Variants in PALS2 observed in about 807,000 individuals in gnomAD.
PALS2 encodes the protein protein PALS2.
PALS2 carries 27 observed loss-of-function variants against 61.6 expected under a neutral mutation model. The observed-to-expected ratio is 0.44, with a 90% CI of 0.32 to 0.60. PALS2 has a LOEUF of 0.60. PALS2 is among the 20% of genes least tolerant of loss of function. PALS2 has a pLI of 0.05. For missense variants in PALS2, 554 were observed against 639.4 expected, an observed-to-expected ratio of 0.87 and a Z score of 1.44; for synonymous variants, 236 against 218.6, an observed-to-expected ratio of 1.08 and a Z score of -0.70.
chr7:24,666,136 G>A, intron 8 of PALS2, 47 bp downstream of exon 8: 2 of 1,492,798 alleles, frequency 1.3e-6, no homozygotes, highest in Non-Finnish European at 1.9e-6. Context: ...GTAGCTATAT[G>A]TCATTTAGTG....
chr7:24,647,383 A>C (rs976920425), intron 3 of PALS2, among the ~76,000 whole-genome samples: 5 of 152,102 alleles, frequency 3.3e-5, no homozygotes, highest in African/African-American at 1.2e-4. Context: ...TCCTGACCTC[A>C]GGTGATCTGC....
chr7:24,660,694 C>A (rs1279541533), intron 5 of PALS2, among the ~76,000 whole-genome samples: 1 of 151,986 alleles, frequency 6.6e-6, no homozygotes, highest in East Asian at 1.9e-4. Context: ...GTGCATAAGT[C>A]ATTTTGGATG....
rs2128040109 is a variant in PALS2 at position 24,582,824 on chromosome 7, A to T, written c.-3+9231A>T. Among the ~76,000 whole-genome samples the T allele has an allele frequency of 2.0e-5, 3 of 150,844 alleles. No homozygotes were observed. The Middle Eastern group carries it at 0.01, about 524-fold the overall frequency. ...AAGAGCTTTGATATAAGAAACTCAG[A>T]TAATTGAGTAAAGAAGTTTAATTTA... On this transcript the variant is annotated intron_variant, in intron 1 of 11. Coordinates refer to ENST00000222644, the MANE Select transcript of PALS2 (RefSeq NM_001303037.2).
chr7:24,605,773 C>T (rs1003294351), intron 1 of PALS2, among the ~76,000 whole-genome samples: 1 of 152,034 alleles, frequency 6.6e-6, no homozygotes, highest in Non-Finnish European at 1.5e-5. Flanking sequence ...TTATGTATAC[C>T]TGTGTAATAA....
intron 2 of PALS2, among the ~76,000 whole-genome samples, chr7:24,628,699 A>G (rs1008485968): frequency 6.6e-6 from 1 of 152,196 alleles, no homozygotes; most frequent in African/African-American, 2.4e-5. Flanking sequence ...ATACAGCAAT[A>G]ATAGACAAAA....
intron 8 of PALS2, 67 bp downstream of exon 8, chr7:24,666,156 C>G (rs1787006427): frequency 7.2e-7 from 1 of 1,382,878 alleles, no homozygotes. Flanking sequence ...GTGGCATAAA[C>G]TCTGAATATA....
chr7:24,643,267 AT>A (rs1438395393), intron 3 of PALS2, among the ~76,000 whole-genome samples: 1 of 152,144 alleles, frequency 6.6e-6, no homozygotes, highest in Non-Finnish European at 1.5e-5. Flanking sequence ...ATTAGTAAAT[AT>A]TTGTAATTTA....
chr7:24,675,097 G>A (rs1562659130), intron 9 of PALS2, among the ~76,000 whole-genome samples: 1 of 152,134 alleles, frequency 6.6e-6, no homozygotes, highest in East Asian at 1.9e-4. Context: ...GTTTTTTGAA[G>A]TGTTAGTAGA....
intron 11 of PALS2, among the ~76,000 whole-genome samples, chr7:24,682,563 C>G (rs1188405633): frequency 1.3e-5 from 2 of 151,884 alleles, no homozygotes; most frequent in Admixed American, 1.3e-4. Flanking sequence ...ATAAGAGTCA[C>G]TTCATTTGTT....
At chr7:24,593,104 T>C (rs573252179) in intron 1 of PALS2, among the ~76,000 whole-genome samples, 1 of 152,270 alleles carries the variant, frequency 6.6e-6, no homozygotes, top group Admixed American at 6.6e-5. Context: ...TATGTAATAT[T>C]CTAAATTCTT....
At chr7:24,594,897 A>C (rs991245695) in intron 1 of PALS2, among the ~76,000 whole-genome samples, 1 of 152,182 alleles carries the variant, frequency 6.6e-6, no homozygotes, top group African/African-American at 2.4e-5. Flanking sequence ...TGTGAAAATT[A>C]CAAAAATGTG....
rs1395862666 is a variant in PALS2 at position 24,687,943 on chromosome 7, C to T, written c.*329C>T. On this transcript the variant is annotated 3_prime_UTR_variant, in exon 12 of 12. Coordinates refer to ENST00000222644, the MANE Select transcript of PALS2 (RefSeq NM_001303037.2). The surrounding 1 kb of genome is among the most constrained non-coding windows in gnomAD (Gnocchi z 4.5). ...ATCAAAGGAATTTTCAAATCATTCA[C>T]TCTAACATTGGTCTCATATTTTCAC... 5.6e-6 allele frequency: 1 copy of T among 178,608 alleles called. No individual in the cohort carries two copies. Among genetic ancestry groups the T allele is most frequent in the African/African-American group, 2.4e-5 (1 of 42,494 alleles). 11.1% of individuals were successfully genotyped at this position (178,608 alleles called of 1,614,324 possible). A position where few individuals can be genotyped will look rare whatever the true frequency, so the allele number is the denominator to read the frequency against.
intron 10 of PALS2, among the ~76,000 whole-genome samples, chr7:24,680,134 T>C (rs1005485565): frequency 6.6e-6 from 1 of 152,216 alleles, no homozygotes; most frequent in Non-Finnish European, 1.5e-5. Context: ...AAAAAAGAGT[T>C]TACATCACTC....
At chr7:24,581,295 G>A (rs1290878661) in intron 1 of PALS2, among the ~76,000 whole-genome samples, 3 of 150,592 alleles carry the variant, frequency 2.0e-5, no homozygotes, top group Admixed American at 2.0e-4. Context: ...GTGTGTCAGA[G>A]AGAAAGGGAA....
At chr7:24,684,423 AC>A (rs1205154830) in intron 11 of PALS2, among the ~76,000 whole-genome samples, 5 of 152,230 alleles carry the variant, frequency 3.3e-5, no homozygotes, top group African/African-American at 1.2e-4. Flanking sequence ...AGCCTATTCA[AC>A]TTGGCTTCTG....
intron 1 of PALS2, among the ~76,000 whole-genome samples, chr7:24,614,163 C>T (rs539675270): frequency 1.3e-5 from 2 of 151,900 alleles, no homozygotes; most frequent in African/African-American, 4.8e-5. Flanking sequence ...AGGAATCTCC[C>T]TACTGTCCTC....
At chr7:24,586,963 TCCCCGCCCG>T (rs1188310424) in intron 1 of PALS2, among the ~76,000 whole-genome samples, 1 of 149,404 alleles carries the variant, frequency 6.7e-6, no homozygotes, top group Admixed American at 6.8e-5. Context: ...GTTTGGAAAT[TCCCCGCCCG>T]CCCTGCCCCC....
At position 24,666,104 on chromosome 7, in the gene PALS2, C is replaced by G. The variant is rs1562652838; in HGVS notation, c.952+15C>G. Reference sequence around the variant, plus strand: ...CAGAAATGCAGGTAGGTTTTAAATACTTTTTGAGAAGTCCAAGTGAAGTAG... The same window carrying G: ...CAGAAATGCAGGTAGGTTTTAAATAGTTTTTGAGAAGTCCAAGTGAAGTAG... On this transcript the variant is annotated intron_variant, in intron 8 of 11. Transcript: ENST00000222644. 1.3e-6 allele frequency: 2 copies of G among 1,595,374 alleles called. No homozygotes were observed. The highest frequency in any genetic ancestry group is 2.2e-5 in the East Asian group (1 of 44,718).
chr7:24,585,750 C>T (rs887436333), intron 1 of PALS2, among the ~76,000 whole-genome samples: 1 of 152,088 alleles, frequency 6.6e-6, no homozygotes, highest in African/African-American at 2.4e-5. Flanking sequence ...CCAGGCTGGA[C>T]TGCAGTGCCG....
Sources: gnomAD v4.1 joint callset for allele counts (sites outside exome capture counted in the v4.1 genomes callset) on GRCh38, gnomAD v4.1.1 for gene constraint, Gnocchi (gnomAD v3.1) non-coding constraint, MANE v1.5 for transcripts, NCBI Gene and HGNC (gene_info 2026-07-23, HGNC 2026-07-21) for gene names.